Variants in BICC1 observed in about 807,000 individuals in gnomAD.
BICC1 encodes the protein BicC family RNA binding protein 1, also known as protein bicaudal C homolog 1.
BICC1 carries 43 observed loss-of-function variants against 111.0 expected under a neutral mutation model. The observed-to-expected ratio is 0.39, with a 90% CI of 0.30 to 0.50. The LOEUF (loss-of-function observed/expected upper bound fraction) is 0.50. BICC1 is among the 20% of genes least tolerant of loss of function. BICC1 has a pLI of 0.88. For missense variants in BICC1, 1,091 were observed against 1,203.2 expected (o/e 0.91, Z 1.38); for synonymous variants, 467 against 434.4 (o/e 1.07, Z -0.93).
chr10:58,618,407 G>A (rs1223300013), intron 1 of BICC1, among the ~76,000 whole-genome samples: 1 of 152,204 alleles, frequency 6.6e-6, no homozygotes, highest in African/African-American at 2.4e-5. Context: ...GTCGTGCTTG[G>A]CTTGGAGCCA....
At chr10:58,774,819 A>G (rs1842707163) in intron 3 of BICC1, among the ~76,000 whole-genome samples, 1 of 152,166 alleles carries the variant, frequency 6.6e-6, no homozygotes, top group South Asian at 2.1e-4. Context: ...AACTTTATTC[A>G]TAGTTATATA....
At chr10:58,632,950 G>T (rs1006694181) in intron 2 of BICC1, among the ~76,000 whole-genome samples, 6 of 152,154 alleles carry the variant, frequency 3.9e-5, no homozygotes, top group African/African-American at 1.2e-4. Flanking sequence ...TATGTAGAAG[G>T]ATTTGAAATC....
chr10:58,646,972 A>G (rs1838288797), intron 2 of BICC1, among the ~76,000 whole-genome samples: 2 of 152,164 alleles, frequency 1.3e-5, no homozygotes, highest in African/African-American at 4.8e-5. Flanking sequence ...TATAGAAAGA[A>G]AAAAATTACA....
At chr10:58,600,075 A>C (rs974605038) in intron 1 of BICC1, among the ~76,000 whole-genome samples, 3 of 151,912 alleles carry the variant, frequency 2.0e-5, no homozygotes, top group African/African-American at 4.8e-5. Context: ...CTCGTTTCCT[A>C]ATTGCTGATG....
At chr10:58,750,865 A>G (rs1280284735) in intron 3 of BICC1, among the ~76,000 whole-genome samples, 1 of 152,132 alleles carries the variant, frequency 6.6e-6, no homozygotes, top group African/African-American at 2.4e-5. Flanking sequence ...GAAGCCACGA[A>G]TATTTTCTTA....
intron 10 of BICC1, among the ~76,000 whole-genome samples, chr10:58,797,321 G>A (rs1342930867): frequency 1.3e-5 from 2 of 152,158 alleles, no homozygotes; most frequent in Admixed American, 6.5e-5. Flanking sequence ...ACTCTCAGCA[G>A]TCTTTAAAAT....
At chr10:58,622,185 GA>G (rs552590765) in intron 2 of BICC1, among the ~76,000 whole-genome samples, 19 of 147,366 alleles carry the variant, frequency 1.3e-4, no homozygotes, top group Admixed American at 3.4e-4. Flanking sequence ...CTGTCTCAAA[GA>G]AAAAAAAAAT....
chr10:58,621,737 A>G (rs1039620515), intron 2 of BICC1, among the ~76,000 whole-genome samples: 6 of 151,908 alleles, frequency 3.9e-5, no homozygotes, highest in Non-Finnish European at 7.4e-5. Context: ...GTCTCTACTA[A>G]AAATATAAAA....
intron 2 of BICC1, among the ~76,000 whole-genome samples, chr10:58,672,025 G>A (rs1413534496): frequency 1.3e-5 from 2 of 152,008 alleles, no homozygotes; most frequent in Admixed American, 1.3e-4. Context: ...AGCATTTCCT[G>A]TTCTGTGCAG....
At chr10:58,823,975 C>A (rs1054232735) in intron 20 of BICC1, 11 of 985,204 alleles carry the variant, frequency 1.1e-5, no homozygotes, top group South Asian at 9.4e-5. Context: ...TGTATGCATG[C>A]CTGCATGTGT....
chr10:58,513,498 C>T (rs543353661), intron 1 of BICC1, among the ~76,000 whole-genome samples, 165 bp downstream of exon 1: 1 of 152,344 alleles, frequency 6.6e-6, no homozygotes, highest in African/African-American at 2.4e-5. Flanking sequence ...CTGGAGACTT[C>T]GCGGGACTCC....
intron 1 of BICC1, among the ~76,000 whole-genome samples, chr10:58,579,319 T>A (rs1418930977): frequency 6.6e-6 from 1 of 152,218 alleles, no homozygotes; most frequent in Non-Finnish European, 1.5e-5. Flanking sequence ...ATTTTTGGGT[T>A]ATGCTGCTTA....
At chr10:58,762,208 T>A (rs1842335191) in intron 3 of BICC1, among the ~76,000 whole-genome samples, 1 of 151,990 alleles carries the variant, frequency 6.6e-6, no homozygotes, top group Admixed American at 6.5e-5. Flanking sequence ...GGCAAGTAAG[T>A]GAAAGCTGGA....
At chr10:58,603,101 T>C (rs1413564766) in intron 1 of BICC1, among the ~76,000 whole-genome samples, 1 of 152,194 alleles carries the variant, frequency 6.6e-6, no homozygotes, top group African/African-American at 2.4e-5. Context: ...TCTACCATCC[T>C]TCATTTCACC....
At chr10:58,672,557 CTT>C (rs760557221) in intron 2 of BICC1, among the ~76,000 whole-genome samples, 4 of 152,210 alleles carry the variant, frequency 2.6e-5, no homozygotes, top group Non-Finnish European at 4.4e-5. Flanking sequence ...TATCATTGCA[CTT>C]TGTAAATTTT....
At chr10:58,580,306 G>GAGCCA (rs1844246307) in intron 1 of BICC1, among the ~76,000 whole-genome samples, 1 of 152,170 alleles carries the variant, frequency 6.6e-6, no homozygotes, top group African/African-American at 2.4e-5. Flanking sequence ...TTACAGGTGT[G>GAGCCA]AGCCACTTTG....
Position 58,828,775 on chromosome 10 carries a change from C to A in BICC1, c.2809C>A (p.Arg937=). 2 of 1,613,470 alleles carry A rather than the reference C, an allele frequency of 1.2e-6. No individual in the cohort carries two copies. Among genetic ancestry groups the A allele is most frequent in the Non-Finnish European group, 1.7e-6 (2 of 1,179,688 alleles). The change falls in exon 21 of 21, where the codon CGA becomes AGA. Residue 937 remains arginine, a synonymous_variant. Coordinates refer to ENST00000373886, the MANE Select transcript of BICC1 (RefSeq NM_001080512.3). ...LLAISELNKN[R]RKLFESPNAR... ...TCTCTCTCTAGAACTAAATAAAAAC[C>A]GAAGAAAGCTTTTTGAATCGCCAAA...
chr10:58,618,176 G>A (rs1033266908), intron 1 of BICC1, among the ~76,000 whole-genome samples: 1 of 152,140 alleles, frequency 6.6e-6, no homozygotes, highest in Non-Finnish European at 1.5e-5. Context: ...ATGCCCAGAG[G>A]CTATGTATGA....
At chr10:58,814,711 G>C (rs548722786) in intron 18 of BICC1, among the ~76,000 whole-genome samples, 1 of 151,670 alleles carries the variant, frequency 6.6e-6, no homozygotes, top group Non-Finnish European at 1.5e-5. Flanking sequence ...TGGGAGGATC[G>C]CTTGAGCCCA....
Sources: allele counts gnomAD v4.1 joint callset (sites outside exome capture counted in the v4.1 genomes callset), GRCh38; gene constraint gnomAD v4.1.1; transcripts MANE v1.5; gene names NCBI Gene and HGNC (gene_info 2026-07-23, HGNC 2026-07-21).